MFSD1: variants seen among roughly 807,000 people sequenced by gnomAD.
MFSD1 encodes major facilitator superfamily domain containing 1.
Under a neutral mutation model 67.1 loss-of-function variants are expected in MFSD1, and 59 were observed. The observed-to-expected ratio is 0.88, with a 90% CI of 0.71 to 1.09. MFSD1 has a LOEUF of 1.09. Ranked by LOEUF, MFSD1 falls within the 50% of genes least tolerant of loss-of-function variation. The probability of loss-of-function intolerance (pLI) is 0.00; values close to 1 mark genes in which losing one functional copy is unlikely to be tolerated. For synonymous variants in MFSD1, 213 were observed against 200.3 expected, an observed-to-expected ratio of 1.06 and a Z score of -0.54; for missense variants, 552 against 566.1, an observed-to-expected ratio of 0.97 and a Z score of 0.25.
In MFSD1 at chr3:158,823,476, A is replaced by G. The variant is rs1457038934; in HGVS notation, c.1126A>G (p.Met376Val). 10 of 1,613,856 alleles carry G rather than the reference A, an allele frequency of 6.2e-6. No individual in the cohort carries two copies. The highest frequency in any genetic ancestry group is 7.6e-6 in the Non-Finnish European group (9 of 1,179,772). Residue 376 changes from methionine to valine, a missense_variant, in exon 12 of 16, where the codon ATG (methionine) becomes GTG (valine). Physicochemically the swap from Met to Val is conservative, Grantham distance 21 (BLOSUM62 1). Transcript: ENST00000415822. Reference sequence around the variant, plus strand: ...ATTGCTTGCCTGTGCATTGTGGCCAATGGTGGCATTTGTAGTTCCTGAACA... The same window carrying G: ...ATTGCTTGCCTGTGCATTGTGGCCAGTGGTGGCATTTGTAGTTCCTGAACA... ...YSLLACALWPMVAFVVPEHQL... is the reference protein window; with the variant it reads ...YSLLACALWPVVAFVVPEHQL...
rs766627539 is a variant in MFSD1, at chr3:158,822,099, A to T, written c.1036A>T (p.Met346Leu). ...CAVAATLVSH[M>L]MLAFTMWNPW... The stretch of plus-strand genomic sequence containing the variant: ...AGTAGCAGCCACTCTTGTGTCCCAC[A>T]TGATGCTGGCCTTTACGATGTGGAA... The change falls in exon 11 of 16, where the codon ATG (methionine) becomes TTG (leucine). Residue 346 changes from methionine (M) to leucine (L), a missense_variant. By Grantham distance (15) the Met-to-Leu change is conservative. Transcript: ENST00000415822. 2.5e-6 allele frequency: 4 copies of T among 1,613,940 alleles called. No homozygotes were observed. The highest frequency in any genetic ancestry group is 3.4e-6 in the Non-Finnish European group (4 of 1,179,864).
chr3:158,822,684 C>A (rs1223887029), intron 11 of MFSD1: 2 of 153,620 alleles, frequency 1.3e-5, no homozygotes, highest in Non-Finnish European at 2.9e-5. Context: ...GTGGGCATTT[C>A]TCTAGAAGTG....
In MFSD1 at chr3:158,823,289, G is replaced by A. The variant is rs146485982; in HGVS notation, c.1078-139G>A. On this transcript the variant is annotated intron_variant, in intron 11 of 15. Coordinates refer to ENST00000415822, the MANE Select transcript of MFSD1 (RefSeq NM_022736.4). ...GACTTGTTTTGTATATTTTGAATAC[G>A]AATTTTAGCCTAATAACAACAAAAT... is the stretch of plus-strand genomic sequence containing the variant. The A allele has an allele frequency of 2.8e-4, 185 of 656,098 alleles. 1 individual carries two copies. In the African/African-American group the frequency reaches 2.9e-3, roughly 10 times the overall value. The allele number at this position is 656,098 out of a possible 1,614,324, so 40.6% of individuals were successfully genotyped here.
Position 158,807,043 on chromosome 3 carries a change from G to A in MFSD1, c.333G>A (p.Trp111Ter). ...TCATTCTTTCTTTCCCAAACAGATGGGGCACAATCATTTTTAGCTGCTTTG... is the reference window on the plus strand; with the variant it reads ...TCATTCTTTCTTTCCCAAACAGATGAGGCACAATCATTTTTAGCTGCTTTG... ...FLIDRVFGIR[W>*]GTIIFSCFVC... The change falls in exon 4 of 16, where the codon TGG becomes TGA. Residue 111 changes from tryptophan to a stop codon, truncating the protein, a stop_gained. Coordinates refer to ENST00000415822, the MANE Select transcript of MFSD1 (RefSeq NM_022736.4). LOFTEE classifies it high-confidence loss of function. 6.2e-7 allele frequency: 1 copy of A among 1,609,410 alleles called. No individual in the cohort carries two copies. Among genetic ancestry groups the A allele is most frequent in the Non-Finnish European group, 8.5e-7 (1 of 1,177,760 alleles).
intron 6 of MFSD1, among the ~76,000 whole-genome samples, chr3:158,809,940 C>A (rs1729916489): frequency 6.6e-6 from 1 of 152,144 alleles, no homozygotes; most frequent in Admixed American, 6.6e-5. Context: ...AGCCAGTACT[C>A]CTGTTGGCAT....
intron 12 of MFSD1, 87 bp downstream of exon 12, chr3:158,823,612 G>A (rs539335353): frequency 4.9e-5 from 49 of 996,328 alleles, no homozygotes; most frequent in Middle Eastern, 2.0e-4. Flanking sequence ...GAATCTAGTC[G>A]TCATCCAGCC....
At chr3:158,817,464 C>T (rs1240581333) in intron 7 of MFSD1, among the ~76,000 whole-genome samples, 3 of 152,156 alleles carry the variant, frequency 2.0e-5, no homozygotes, top group Non-Finnish European at 4.4e-5. Flanking sequence ...AACAGACAAA[C>T]AGAGAGCCAA....
At chr3:158,827,909 A>AG (rs1731070971) in intron 15 of MFSD1, among the ~76,000 whole-genome samples, 2 of 89,436 alleles carry the variant, frequency 2.2e-5, no homozygotes, top group African/African-American at 1.2e-4. Context: ...AGAGAGAGAG[A>AG]GAGGGGGAGA....
intron 14 of MFSD1, 82 bp downstream of exon 14, chr3:158,826,144 A>G: frequency 1.9e-6 from 2 of 1,066,806 alleles, no homozygotes; most frequent in Non-Finnish European, 1.5e-6. Context: ...TTTGGGGGCC[A>G]GTGCTTTATT....
chr3:158,814,792 G>A (rs1730230402), intron 7 of MFSD1, among the ~76,000 whole-genome samples: 1 of 151,934 alleles, frequency 6.6e-6, no homozygotes, highest in African/African-American at 2.4e-5. Context: ...TTAATTAAAA[G>A]TTTATAGCAG....
chr3:158,809,178 G>A lies in MFSD1; in HGVS notation c.441-1G>A. ...GTTTTTTTTTTTTTTTCTATTTTTA[G>A]GATTGGTGGCGAGTCCTTAGCAGTT... On this transcript the variant is annotated splice_acceptor_variant, in intron 5 of 15. Coordinates refer to ENST00000415822, the MANE Select transcript of MFSD1 (RefSeq NM_022736.4). LOFTEE classifies it high-confidence loss of function. The A allele has an allele frequency of 7.0e-7, 1 of 1,421,620 alleles. No individual in the cohort carries two copies. Among genetic ancestry groups the A allele is most frequent in the Non-Finnish European group, 9.5e-7 (1 of 1,051,268 alleles). 88.1% of individuals were successfully genotyped at this position (1,421,620 alleles called of 1,614,324 possible). A position where few individuals can be genotyped will look rare whatever the true frequency, so the allele number is the denominator to read the frequency against.
intron 5 of MFSD1, among the ~76,000 whole-genome samples, chr3:158,808,437 G>A (rs749033775): frequency 6.6e-5 from 10 of 152,178 alleles, no homozygotes; most frequent in African/African-American, 1.7e-4. Context: ...AAGTAGGAGA[G>A]TGTTGAATAT....
chr3:158,819,611 T>C, intron 7 of MFSD1, 38 bp from the exon 8 acceptor site: 1 of 1,249,254 alleles, frequency 8.0e-7, no homozygotes, highest in Non-Finnish European at 1.1e-6. Context: ...GGTTCTCTTT[T>C]CAAAGTCTGT....
At position 158,824,102 on chromosome 3, in the gene MFSD1, CTT is replaced by C; in HGVS notation, c.1176-20_1176-19del. 1 of 1,545,570 alleles carries C rather than the reference CTT, an allele frequency of 6.5e-7. No homozygotes were observed. Among genetic ancestry groups the C allele is most frequent in the Non-Finnish European group, 8.9e-7 (1 of 1,124,324 alleles). ...GAAGACTTTTGAAAATGAAATGTGT[CTT>C]TATATTTCTTCCATTGTAGCATGCA... On this transcript the variant is annotated intron_variant, in intron 12 of 15. Transcript: ENST00000415822.
chr3:158,819,626 CTTT>C lies in MFSD1; in HGVS notation c.653-9_653-7del, dbSNP rs58055234. On this transcript the variant is annotated intron_variant, in intron 7 of 15. Coordinates refer to ENST00000415822, the MANE Select transcript of MFSD1 (RefSeq NM_022736.4). Reference sequence around the variant, plus strand: ...GGTTCTCTTTTCAAAGTCTGTTTTTCTTTTTTTTTTTTTTTTATTTAGGGGGTA... The same window carrying C: ...GGTTCTCTTTTCAAAGTCTGTTTTTCTTTTTTTTTTTTTATTTAGGGGGTA... 3,614 of 1,113,320 alleles carry C rather than the reference CTTT, an allele frequency of 3.2e-3. No homozygotes were observed. The highest frequency in any genetic ancestry group is 6.0e-3 in the South Asian group (370 of 61,658). 69.0% of individuals were successfully genotyped at this position (1,113,320 alleles called of 1,614,324 possible). A position where few individuals can be genotyped will look rare whatever the true frequency, so the allele number is the denominator to read the frequency against.
intron 6 of MFSD1, among the ~76,000 whole-genome samples, chr3:158,811,075 T>A (rs1729980898): frequency 6.6e-6 from 1 of 152,236 alleles, no homozygotes; most frequent in African/African-American, 2.4e-5. Context: ...TTAAGCTGCA[T>A]TCTGAGGAGC....
intron 15 of MFSD1, among the ~76,000 whole-genome samples, chr3:158,827,922 G>C (rs1366732310): frequency 2.5e-5 from 2 of 78,836 alleles, no homozygotes; most frequent in Admixed American, 1.2e-4. Flanking sequence ...GGGGGAGAGA[G>C]AGAGAGAGAG....
intron 6 of MFSD1, among the ~76,000 whole-genome samples, chr3:158,813,032 T>C (rs1388417651): frequency 6.6e-6 from 1 of 152,116 alleles, no homozygotes. Context: ...CAATTTTATA[T>C]TCTCCTTTCC....
Position 158,802,305 on chromosome 3 carries a change from C to T in MFSD1, c.153C>T (p.Phe51=), listed in dbSNP as rs776161935. The T allele has an allele frequency of 3.1e-6, 5 of 1,609,418 alleles. No homozygotes were observed. Among genetic ancestry groups the T allele is most frequent in the Admixed American group, 1.7e-5 (1 of 59,528 alleles). ...HRLLVLLLMC[F]LGFGSYFCYD... ...TTTTGGTGCTGTTACTGATGTGCTT[C>T]CTTGGCTTTGGTGAGCCGGCCGGGT... The change falls in exon 1 of 16, where the codon TTC becomes TTT. Residue 51 remains phenylalanine (F), a synonymous_variant. Transcript: ENST00000415822.
Sources: allele counts gnomAD v4.1 joint callset (sites outside exome capture counted in the v4.1 genomes callset), GRCh38; gene constraint gnomAD v4.1.1; transcripts MANE v1.5; gene names NCBI Gene and HGNC (gene_info 2026-07-23, HGNC 2026-07-21).